PPARGC1A: variants seen among roughly 807,000 people sequenced by gnomAD.
PPARGC1A encodes the protein peroxisome proliferator-activated receptor gamma coactivator 1-alpha.
A neutral mutation model predicts 88.7 loss-of-function variants in PPARGC1A; 25 were observed. The observed-to-expected ratio is 0.28, with a 90% CI of 0.21 to 0.39. The LOEUF (loss-of-function observed/expected upper bound fraction) is 0.39. Among genes scored for constraint, PPARGC1A ranks in the 10% least tolerant of loss-of-function variants. PPARGC1A has a pLI of 1.00. For missense variants in PPARGC1A, 880 were observed against 968.7 expected, an observed-to-expected ratio of 0.91 and a Z score of 1.22; for synonymous variants, 363 against 355.6, an observed-to-expected ratio of 1.02 and a Z score of -0.24.
At chr4:24,202,832 C>G in the PPARGC1A span, among the ~76,000 whole-genome samples, 2 of 152,130 alleles carry the variant, frequency 1.3e-5, no homozygotes, top group African/African-American at 4.8e-5. Context: ...ATCTCCCTGC[C>G]CCTATTTCAG....
At chr4:24,153,697 A>G in the PPARGC1A span, among the ~76,000 whole-genome samples, 3 of 152,210 alleles carry the variant, frequency 2.0e-5, no homozygotes, top group African/African-American at 2.4e-5. Flanking sequence ...AAATCTGATG[A>G]TATTATTTTC....
At chr4:24,268,968 C>CT in the PPARGC1A span, among the ~76,000 whole-genome samples, 329 of 152,074 alleles carry the variant, frequency 2.2e-3, 3 homozygotes, top group African/African-American at 7.8e-3. Context: ...ATGGAGCTTC[C>CT]TTTTTTTAAA....
chr4:23,897,589 T>C (rs551737771), intron 1 of PPARGC1A, among the ~76,000 whole-genome samples: 2 of 152,288 alleles, frequency 1.3e-5, no homozygotes, highest in East Asian at 1.9e-4. Context: ...TGAATCCAAA[T>C]GTCTCATTTC....
the PPARGC1A span, among the ~76,000 whole-genome samples, chr4:24,216,828 A>G: frequency 1.3e-5 from 2 of 152,220 alleles, no homozygotes; most frequent in African/African-American, 4.8e-5. Flanking sequence ...CCCTGAGAAG[A>G]GAGTATTCAA....
At chr4:24,031,208 A>C in the PPARGC1A span, among the ~76,000 whole-genome samples, 5,689 of 152,252 alleles carry the variant, frequency 0.037, 231 homozygotes, top group African/African-American at 0.099. Context: ...TAATGATACA[A>C]AAGGATTCCC....
At chr4:24,350,129 T>C in the PPARGC1A span, among the ~76,000 whole-genome samples, 1 of 152,218 alleles carries the variant, frequency 6.6e-6, no homozygotes, top group African/African-American at 2.4e-5. Context: ...ACTTCTGCAG[T>C]TGGGGCACTC....
chr4:24,089,090 C>T, the PPARGC1A span, among the ~76,000 whole-genome samples: 1 of 152,204 alleles, frequency 6.6e-6, no homozygotes, highest in African/African-American at 2.4e-5. Flanking sequence ...TAGAAAAGTA[C>T]TGAATCAGTT....
intron 12 of PPARGC1A, among the ~76,000 whole-genome samples, chr4:23,801,335 T>TG (rs1364969183): frequency 2.0e-5 from 3 of 151,692 alleles, no homozygotes; most frequent in Non-Finnish European, 4.4e-5. Context: ...CACACATACA[T>TG]GTTTAATATT....
the PPARGC1A span, among the ~76,000 whole-genome samples, chr4:24,237,861 C>T: frequency 6.6e-6 from 1 of 152,130 alleles, no homozygotes; most frequent in African/African-American, 2.4e-5. Flanking sequence ...GATGACACTG[C>T]CATAGCGACA....
chr4:23,853,943 G>A (rs1729750713), intron 2 of PPARGC1A, among the ~76,000 whole-genome samples: 1 of 152,198 alleles, frequency 6.6e-6, no homozygotes, highest in African/African-American at 2.4e-5. Context: ...TCTGGGACCA[G>A]TTCCCCATAC....
the PPARGC1A span, among the ~76,000 whole-genome samples, chr4:23,913,142 C>T: frequency 7.1e-6 from 1 of 141,668 alleles, no homozygotes; most frequent in African/African-American, 2.5e-5. Context: ...TGCACACACA[C>T]ATACACTCTC....
the PPARGC1A span, among the ~76,000 whole-genome samples, chr4:23,994,823 T>G: frequency 6.6e-6 from 1 of 152,134 alleles, no homozygotes; most frequent in Admixed American, 6.6e-5. Context: ...CATCACCAAA[T>G]GATGTTGATC....
the PPARGC1A span, among the ~76,000 whole-genome samples, chr4:24,062,391 A>T: frequency 6.6e-6 from 1 of 152,164 alleles, no homozygotes; most frequent in Non-Finnish European, 1.5e-5. Flanking sequence ...TCTAATTCTT[A>T]ATAGGTGAAA....
the PPARGC1A span, among the ~76,000 whole-genome samples, chr4:24,152,622 T>C: frequency 1.3e-5 from 2 of 152,208 alleles, no homozygotes; most frequent in East Asian, 3.8e-4. Context: ...ATTATTAGTA[T>C]TATTTAGTCA....
At chr4:24,277,559 C>A in the PPARGC1A span, among the ~76,000 whole-genome samples, 2 of 152,004 alleles carry the variant, frequency 1.3e-5, no homozygotes, top group Non-Finnish European at 2.9e-5. Flanking sequence ...AGAAACCCAG[C>A]TCAGCACTCT....
chr4:24,170,277 C>T, the PPARGC1A span, among the ~76,000 whole-genome samples: 8 of 152,086 alleles, frequency 5.3e-5, no homozygotes, highest in Admixed American at 4.6e-4. Context: ...TGTCTATATC[C>T]AGTGTGAAAG....
At chr4:24,227,951 G>C in the PPARGC1A span, among the ~76,000 whole-genome samples, 1 of 152,154 alleles carries the variant, frequency 6.6e-6, no homozygotes, top group South Asian at 2.1e-4. Flanking sequence ...ATTTCCCTGG[G>C]AAACAGCTGT....
the PPARGC1A span, among the ~76,000 whole-genome samples, chr4:23,986,736 CA>C: frequency 6.6e-6 from 1 of 152,010 alleles, no homozygotes; most frequent in Non-Finnish European, 1.5e-5. Context: ...CCAGCAAAAA[CA>C]AAATTCTAAC....
chr4:23,800,381 G>A (rs1718446251), intron 12 of PPARGC1A, among the ~76,000 whole-genome samples: 1 of 151,878 alleles, frequency 6.6e-6, no homozygotes, highest in Non-Finnish European at 1.5e-5. Context: ...AAATTGGAAA[G>A]GAAATTAAGA....
Sources: allele counts gnomAD v4.1 joint callset (sites outside exome capture counted in the v4.1 genomes callset), GRCh38; gene constraint gnomAD v4.1.1; transcripts MANE v1.5; gene names NCBI Gene and HGNC (gene_info 2026-07-23, HGNC 2026-07-21).